The following TENM3 variants were observed in gnomAD, a reference collection of about 807,000 sequenced individuals.
The protein encoded by TENM3 is teneurin transmembrane protein 3.
Under a neutral mutation model 255.1 loss-of-function variants are expected in TENM3, and 63 were observed. The ratio of observed to expected loss-of-function variants is 0.25; its 90% CI spans 0.20 to 0.30. The LOEUF is 0.30. Among genes scored for constraint, TENM3 ranks in the 10% least tolerant of loss-of-function variants. TENM3 has a pLI of 1.00. For missense variants in TENM3, 2,929 were observed against 3,461.1 expected (o/e 0.85, Z 3.86); for synonymous variants, 1,306 against 1,322.3 (o/e 0.99, Z 0.27).
chr4:181,964,218 G>C, the TENM3 span, among the ~76,000 whole-genome samples: 3 of 151,964 alleles, frequency 2.0e-5, no homozygotes, highest in African/African-American at 7.2e-5. Flanking sequence ...TGACCACAGA[G>C]GCATTTGCTC....
chr4:182,038,399 A>T, the TENM3 span, among the ~76,000 whole-genome samples: 7 of 152,040 alleles, frequency 4.6e-5, no homozygotes, highest in Non-Finnish European at 8.8e-5. Context: ...ACAAATGTTA[A>T]CTCATTTTAT....
At chr4:181,667,372 T>G in the TENM3 span, among the ~76,000 whole-genome samples, 2 of 152,188 alleles carry the variant, frequency 1.3e-5, no homozygotes, top group African/African-American at 4.8e-5. Flanking sequence ...CTACCACTAC[T>G]GCTGTTTGTT....
chr4:182,000,382 C>T, the TENM3 span, among the ~76,000 whole-genome samples: 2 of 151,980 alleles, frequency 1.3e-5, no homozygotes, highest in African/African-American at 4.8e-5. Flanking sequence ...AGCCAAGAAT[C>T]GGTTCTCCCA....
At chr4:182,706,082 A>G (rs1057348903) in intron 12 of TENM3, among the ~76,000 whole-genome samples, 7 of 152,022 alleles carry the variant, frequency 4.6e-5, no homozygotes, top group East Asian at 1.9e-4. Flanking sequence ...GTTTAGTCTG[A>G]TTTTTTTTAT....
At chr4:182,586,368 T>C (rs770052533) in intron 3 of TENM3, among the ~76,000 whole-genome samples, 30 of 152,232 alleles carry the variant, frequency 2.0e-4, no homozygotes, top group Non-Finnish European at 4.3e-4. Flanking sequence ...ATACGTGATC[T>C]TACTTCGATG....
intron 13 of TENM3, among the ~76,000 whole-genome samples, chr4:182,719,094 T>C (rs1759442084): frequency 6.6e-6 from 1 of 152,048 alleles, no homozygotes; most frequent in African/African-American, 2.4e-5. Flanking sequence ...ACCTGAGACA[T>C]GAGACTCAAG....
chr4:182,053,266 T>G, the TENM3 span, among the ~76,000 whole-genome samples: 20 of 152,224 alleles, frequency 1.3e-4, no homozygotes, highest in Non-Finnish European at 2.4e-4. Context: ...TTATCTCATT[T>G]GTTTCTAACA....
chr4:181,676,560 C>A, the TENM3 span, among the ~76,000 whole-genome samples: 33 of 151,954 alleles, frequency 2.2e-4, no homozygotes, highest in African/African-American at 7.7e-4. Flanking sequence ...AGTGCCAGGA[C>A]TTTTTCTTAA....
At chr4:182,144,146 C>G (rs1749690884), upstream of TENM3, 2 of 153,394 alleles carry the variant, frequency 1.3e-5, no homozygotes, top group African/African-American at 4.8e-5. Context: ...GCGATCTGCA[C>G]CGGGGGAAGC....
rs747859069 is a variant in TENM3, at chr4:182,680,375, A to G, written c.1639+26A>G. 8 of 1,533,368 alleles carry G rather than the reference A, an allele frequency of 5.2e-6. No individual in the cohort carries two copies. In the South Asian group the frequency reaches 6.7e-5, roughly 13 times the overall value. The allele number at this position is 1,533,368 out of a possible 1,614,324, so 95.0% of individuals were successfully genotyped here. ...GTATGCAAGTTAGATTCTTCTCTTAAGCCGATATAAATAAGCTGTAGAAAC... is the reference window on the plus strand; with the variant it reads ...GTATGCAAGTTAGATTCTTCTCTTAGGCCGATATAAATAAGCTGTAGAAAC... On this transcript the variant is annotated intron_variant, in intron 9 of 27. Coordinates refer to ENST00000511685, the MANE Select transcript of TENM3 (RefSeq NM_001080477.4).
At chr4:182,778,958 A>AATG (rs1764917759) in intron 24 of TENM3, among the ~76,000 whole-genome samples, 1 of 135,554 alleles carries the variant, frequency 7.4e-6, no homozygotes, top group Non-Finnish European at 1.5e-5. Flanking sequence ...TTTTTTTTTT[A>AATG]ATGTCTTGAA....
At chr4:181,457,535 A>G in the TENM3 span, among the ~76,000 whole-genome samples, 2,543 of 151,878 alleles carry the variant, frequency 0.017, 74 homozygotes, top group African/African-American at 0.057. Flanking sequence ...GTTGTTACTG[A>G]TCAATATGTT....
chr4:181,968,287 T>C, the TENM3 span, among the ~76,000 whole-genome samples: 2 of 152,180 alleles, frequency 1.3e-5, no homozygotes, highest in Non-Finnish European at 2.9e-5. Context: ...ATTACATGCT[T>C]GGTCCTCCCC....
At chr4:182,493,925 G>A (rs1048490091) in intron 3 of TENM3, among the ~76,000 whole-genome samples, 3 of 152,060 alleles carry the variant, frequency 2.0e-5, no homozygotes, top group African/African-American at 7.2e-5. Flanking sequence ...CATCTTCAGT[G>A]TATTTGCTAA....
chr4:181,911,953 C>A, the TENM3 span, among the ~76,000 whole-genome samples: 1 of 152,138 alleles, frequency 6.6e-6, no homozygotes, highest in Non-Finnish European at 1.5e-5. Context: ...ATAATTATGG[C>A]CTACTACAAA....
the TENM3 span, among the ~76,000 whole-genome samples, chr4:181,664,842 C>T: frequency 6.6e-6 from 1 of 152,186 alleles, no homozygotes; most frequent in African/African-American, 2.4e-5. Flanking sequence ...CTGGAAGAAC[C>T]CTGCAGGTGA....
At chr4:181,952,556 A>G in the TENM3 span, among the ~76,000 whole-genome samples, 5 of 152,250 alleles carry the variant, frequency 3.3e-5, no homozygotes, top group Non-Finnish European at 7.3e-5. Context: ...TCGGAAGGGA[A>G]GAAAGAAGAC....
the TENM3 span, among the ~76,000 whole-genome samples, chr4:181,915,506 C>T: frequency 4.6e-5 from 7 of 151,932 alleles, no homozygotes; most frequent in African/African-American, 1.7e-4. Flanking sequence ...GAATATTATA[C>T]ATGCTGTAAA....
At chr4:182,378,406 T>G (rs906370325) in intron 3 of TENM3, among the ~76,000 whole-genome samples, 2 of 152,198 alleles carry the variant, frequency 1.3e-5, no homozygotes, top group Non-Finnish European at 2.9e-5. Flanking sequence ...GGAGCTGGCT[T>G]CTGTGAGAGG....
Sources: gnomAD v4.1 joint callset for allele counts (sites outside exome capture counted in the v4.1 genomes callset) on GRCh38, gnomAD v4.1.1 for gene constraint, MANE v1.5 for transcripts, NCBI Gene and HGNC (gene_info 2026-07-23, HGNC 2026-07-21) for gene names.